The following ACSS3 variants were observed in gnomAD, a reference collection of about 807,000 sequenced individuals.
ACSS3 encodes the protein acyl-CoA synthetase short-chain family member 3, mitochondrial.
In ACSS3, 64 loss-of-function variants were observed where a neutral mutation model predicts 84.2. That is an observed-to-expected ratio of 0.76 (90% CI 0.62 to 0.94). ACSS3 has a LOEUF of 0.94. ACSS3 is among the 40% of genes least tolerant of loss of function. ACSS3 has a pLI of 0.00. For synonymous variants in ACSS3, 317 were observed against 310.1 expected (o/e 1.02, Z -0.23); for missense variants, 815 against 867.6 (o/e 0.94, Z 0.76).
At chr12:81,175,136 A>G (rs936391721) in intron 8 of ACSS3, among the ~76,000 whole-genome samples, 197 bp downstream of exon 8, 2 of 152,230 alleles carry the variant, frequency 1.3e-5, no homozygotes, top group Non-Finnish European at 2.9e-5. Context: ...TTAAAATATT[A>G]TATCATGTTA....
At chr12:81,226,232 G>A (rs2033266609) in intron 11 of ACSS3, among the ~76,000 whole-genome samples, 1 of 151,730 alleles carries the variant, frequency 6.6e-6, no homozygotes, top group Non-Finnish European at 1.5e-5. Flanking sequence ...TTTAATACTA[G>A]GTCATTATTA....
intron 7 of ACSS3, among the ~76,000 whole-genome samples, chr12:81,155,220 T>G (rs927657106): frequency 3.9e-5 from 6 of 152,212 alleles, no homozygotes; most frequent in Non-Finnish European, 7.4e-5. Context: ...CTTGTTCTTC[T>G]TTTCTTCTCT....
chr12:81,138,991 T>G lies in ACSS3; in HGVS notation c.646-140T>G, dbSNP rs188244190. On this transcript the variant is annotated intron_variant, in intron 3 of 15. Transcript: ENST00000548058. ...CTAACAATTACAAAGGGTTTACTGG[T>G]TTTCAGACCATTCAATAGAAAACAG... 9.9e-5 allele frequency: 89 copies of G among 900,440 alleles called. No homozygotes were observed. In the Middle Eastern group the frequency reaches 3.3e-3, roughly 33 times the overall value. 55.8% of individuals were successfully genotyped at this position (900,440 alleles called of 1,614,324 possible).
chr12:81,212,237 C>A (rs943280303), intron 9 of ACSS3, among the ~76,000 whole-genome samples: 1 of 152,202 alleles, frequency 6.6e-6, no homozygotes, highest in Non-Finnish European at 1.5e-5. Flanking sequence ...ATTGGGAGGT[C>A]TCCATGCGGG....
intron 2 of ACSS3, among the ~76,000 whole-genome samples, chr12:81,133,983 G>GC (rs1885657837): frequency 3.1e-5 from 1 of 32,470 alleles, no homozygotes; most frequent in African/African-American, 4.4e-5. Flanking sequence ...TTTATCATGT[G>GC]TGGCTTATAA....
chr12:81,158,393 T>C (rs1383794913), intron 7 of ACSS3: 1 of 153,484 alleles, frequency 6.5e-6, no homozygotes, highest in Non-Finnish European at 1.5e-5. Flanking sequence ...TCAACAGCAA[T>C]TGGAGAAGAT....
At chr12:81,234,838 G>A (rs962188275) in intron 13 of ACSS3, among the ~76,000 whole-genome samples, 1 of 150,690 alleles carries the variant, frequency 6.6e-6, no homozygotes, top group Non-Finnish European at 1.5e-5. Context: ...TCTTTTTCTA[G>A]TTTCTGACTG....
chr12:81,239,102 T>C (rs2033712378), intron 13 of ACSS3, among the ~76,000 whole-genome samples: 1 of 151,956 alleles, frequency 6.6e-6, no homozygotes. Context: ...TGAAATATCT[T>C]CTTTGACTCA....
intron 8 of ACSS3, among the ~76,000 whole-genome samples, chr12:81,188,775 T>C (rs2031412525): frequency 6.6e-6 from 1 of 152,064 alleles, no homozygotes; most frequent in Non-Finnish European, 1.5e-5. Context: ...GTTGAAATAA[T>C]TTTTACTTTT....
At chr12:81,093,368 G>A (rs1387114171) in intron 1 of ACSS3, among the ~76,000 whole-genome samples, 6 of 151,538 alleles carry the variant, frequency 4.0e-5, no homozygotes, top group Non-Finnish European at 5.9e-5. Flanking sequence ...CAGGAGAATC[G>A]CTTGAACCTG....
rs1195174815 is a variant in ACSS3 at position 81,216,898 on chromosome 12, C to T, written c.1355-3C>T. Reference sequence around the variant, plus strand: ...AAGTGATAAATAACATTTCTTTTTCCAGAGACTGGATCTCCAATTACTGCG... The same window carrying T: ...AAGTGATAAATAACATTTCTTTTTCTAGAGACTGGATCTCCAATTACTGCG... On this transcript the variant is annotated splice_region_variant and splice_polypyrimidine_tract_variant and intron_variant, in intron 9 of 15. Transcript: ENST00000548058. The T allele has an allele frequency of 2.5e-6, 4 of 1,606,508 alleles. No individual in the cohort carries two copies. The highest frequency in any genetic ancestry group is 1.1e-5 in the South Asian group (1 of 90,930).
At chr12:81,146,562 A>G (rs977960022) in intron 5 of ACSS3, among the ~76,000 whole-genome samples, 1 of 152,226 alleles carries the variant, frequency 6.6e-6, no homozygotes, top group Non-Finnish European at 1.5e-5. Context: ...TTGTAGATAC[A>G]TTTAAAGCAT....
At chr12:81,217,048 G>C (rs1025541492) in intron 10 of ACSS3, 52 bp downstream of exon 10, 1 of 1,439,670 alleles carries the variant, frequency 6.9e-7, no homozygotes, top group South Asian at 1.2e-5. Context: ...GCATTTTCTT[G>C]CATCTAGTGT....
intron 7 of ACSS3, among the ~76,000 whole-genome samples, chr12:81,156,005 C>G (rs149272744): frequency 1.9e-3 from 295 of 152,196 alleles, no homozygotes; most frequent in African/African-American, 6.9e-3. Flanking sequence ...AAACCTGGGC[C>G]ACGAAACAAA....
At chr12:81,121,502 CTTAAA>C (rs1297020123) in intron 2 of ACSS3, among the ~76,000 whole-genome samples, 2 of 151,642 alleles carry the variant, frequency 1.3e-5, no homozygotes, top group Non-Finnish European at 2.9e-5. Flanking sequence ...TTGGTGTTTA[CTTAAA>C]TTATTTTTAT....
intron 11 of ACSS3, among the ~76,000 whole-genome samples, chr12:81,230,067 G>C (rs999256512): frequency 2.0e-5 from 3 of 151,834 alleles, no homozygotes; most frequent in African/African-American, 7.2e-5. Context: ...ATCTTATGTG[G>C]ACACTAGCCA....
chr12:81,120,981 C>G (rs1355732926), intron 2 of ACSS3, among the ~76,000 whole-genome samples: 1 of 152,144 alleles, frequency 6.6e-6, no homozygotes, highest in African/African-American at 2.4e-5. Context: ...TTATTAGTTA[C>G]TAGTGTATGC....
At chr12:81,145,024 C>T (rs1566001883) in intron 5 of ACSS3, among the ~76,000 whole-genome samples, 1 of 150,290 alleles carries the variant, frequency 6.7e-6, no homozygotes, top group South Asian at 2.1e-4. Context: ...CCTTAGCCCC[C>T]CGAGTAGCTG....
In ACSS3 at chr12:81,258,861, T is replaced by A. The variant is rs565290885; in HGVS notation, c.*3939T>A. On this transcript the variant is annotated 3_prime_UTR_variant, in exon 16 of 16. Transcript: ENST00000548058. ...GGTTCTTAGTAAAGAAGTTTTTTTA[T>A]CTTTTTTTTTTTCTTGGTCCACAGG... The A allele has an allele frequency of 6.7e-6, 1 of 150,078 alleles. No individual in the cohort carries two copies. Among genetic ancestry groups the A allele is most frequent in the African/African-American group, 2.5e-5 (1 of 39,874 alleles). 9.3% of individuals were successfully genotyped at this position (150,078 alleles called of 1,614,324 possible).
Sources: allele counts gnomAD v4.1 joint callset (sites outside exome capture counted in the v4.1 genomes callset), GRCh38; gene constraint gnomAD v4.1.1; transcripts MANE v1.5; gene names NCBI Gene and HGNC (gene_info 2026-07-23, HGNC 2026-07-21).